Variants in UTRN observed in about 807,000 individuals in gnomAD.
The protein encoded by UTRN is dystrophin-related protein 1.
A neutral mutation model predicts 463.9 loss-of-function variants in UTRN; 283 were observed. The ratio of observed to expected loss-of-function variants is 0.61; its 90% CI spans 0.55 to 0.67. UTRN has a LOEUF of 0.67. UTRN is among the 30% of genes least tolerant of loss of function. UTRN has a pLI of 0.00. For synonymous variants in UTRN, 1,442 were observed against 1,431.5 expected (o/e 1.01, Z -0.17); for missense variants, 3,922 against 4,084.3 (o/e 0.96, Z 1.08).
chr6:144,640,664 A>G (rs1246143984), intron 51 of UTRN, among the ~76,000 whole-genome samples: 1 of 152,126 alleles, frequency 6.6e-6, no homozygotes, highest in East Asian at 1.9e-4. Context: ...TTGCTATATA[A>G]ATGCTTGTTT....
At chr6:144,796,862 C>G (rs1321730135) in intron 63 of UTRN, among the ~76,000 whole-genome samples, 1 of 152,002 alleles carries the variant, frequency 6.6e-6, no homozygotes, top group Non-Finnish European at 1.5e-5. Flanking sequence ...ATATCAAATG[C>G]AAATTCTAAA....
intron 51 of UTRN, among the ~76,000 whole-genome samples, chr6:144,601,602 T>C (rs1172715985): frequency 1.3e-5 from 2 of 152,190 alleles, no homozygotes; most frequent in African/African-American, 4.8e-5. Flanking sequence ...AAGTGGTTTC[T>C]TGAGATGGAA....
intron 52 of UTRN, among the ~76,000 whole-genome samples, chr6:144,684,408 T>C (rs528300123): frequency 6.6e-6 from 1 of 152,306 alleles, no homozygotes; most frequent in South Asian, 2.1e-4. Context: ...CCAATATCCA[T>C]ATTCACAACT....
At chr6:144,840,675 G>T in intron 72 of UTRN, 65 bp from the exon 73 acceptor site, 4 of 1,564,396 alleles carry the variant, frequency 2.6e-6, no homozygotes, top group Non-Finnish European at 1.7e-6. Flanking sequence ...CCTGAATTTG[G>T]GTTTTAGTGG....
intron 2 of UTRN, among the ~76,000 whole-genome samples, chr6:144,401,224 A>G (rs1055741947): frequency 6.6e-6 from 1 of 152,186 alleles, no homozygotes; most frequent in Non-Finnish European, 1.5e-5. Context: ...ATGAAACTGC[A>G]TATAACAAGA....
chr6:144,826,137 T>TA (rs541359838), intron 66 of UTRN, among the ~76,000 whole-genome samples: 1,574 of 149,620 alleles, frequency 0.011, 25 homozygotes, highest in East Asian at 0.057. Context: ...CCCTAAAACT[T>TA]AAAGTATAAT....
rs1356125420 is a variant in UTRN at position 144,432,440 on chromosome 6, C to G, written c.855+2699C>G. 2.0e-5 allele frequency among the ~76,000 whole-genome samples: 3 copies of G among 152,134 alleles called. No individual in the cohort carries two copies. The East Asian group carries it at 5.8e-4, about 29-fold the overall frequency. On this transcript the variant is annotated intron_variant, in intron 9 of 74. Coordinates refer to ENST00000367545, the MANE Select transcript of UTRN (RefSeq NM_007124.3). ...CTGTGTTAAGAATTTTAAATTGTAT[C>G]TTAAGAGCATTGGGAAAGCCAGTGA...
At chr6:144,696,482 T>C (rs1784016461) in intron 52 of UTRN, among the ~76,000 whole-genome samples, 1 of 152,212 alleles carries the variant, frequency 6.6e-6, no homozygotes. Context: ...ATCACGGCTT[T>C]GGTGTTCTTT....
At chr6:144,428,658 A>G (rs1383911765) in intron 7 of UTRN, 120 bp from the exon 8 acceptor site, 2 of 541,268 alleles carry the variant, frequency 3.7e-6, no homozygotes, top group African/African-American at 1.9e-5. Flanking sequence ...ATATAAAAAT[A>G]AACTCAAAAA....
rs746179507 is a variant in UTRN at position 144,577,161 on chromosome 6, A to G, written c.7352A>G (p.Asp2451Gly). 1 of 1,613,858 alleles carries G rather than the reference A, an allele frequency of 6.2e-7. No individual in the cohort carries two copies. The highest frequency in any genetic ancestry group is 1.3e-5 in the African/African-American group (1 of 74,892). ...AGGACGGTGCAGGCCTCTCGCAGAG[A>G]TCTGGAAAACTTCCTGAAGTGGATC... ...EWRTVQASRR[D>G]LENFLKWIQE... Residue 2451 changes from aspartate (D) to glycine (G), a missense_variant, in exon 51 of 75, where the codon GAT becomes GGT. Asp to Gly is a moderately conservative substitution (Grantham distance 94). Transcript: ENST00000367545.
chr6:144,610,365 A>G (rs557373847), intron 51 of UTRN, among the ~76,000 whole-genome samples: 1 of 152,172 alleles, frequency 6.6e-6, no homozygotes, highest in Non-Finnish European at 1.5e-5. Context: ...ATCAAGATTA[A>G]TCATGAAGAA....
chr6:144,474,215 G>A (rs1293593799), intron 24 of UTRN, among the ~76,000 whole-genome samples: 1 of 150,894 alleles, frequency 6.6e-6, no homozygotes, highest in Non-Finnish European at 1.5e-5. Flanking sequence ...TCCTCACCAT[G>A]TGGCACAAGA....
intron 2 of UTRN, among the ~76,000 whole-genome samples, chr6:144,299,939 A>T (rs1406483161): frequency 1.3e-5 from 2 of 152,096 alleles, no homozygotes; most frequent in Non-Finnish European, 2.9e-5. Flanking sequence ...CTTGCTTTTG[A>T]AATAATTTGC....
At chr6:144,502,743 A>G (rs1314572925) in intron 34 of UTRN, among the ~76,000 whole-genome samples, 6 of 152,188 alleles carry the variant, frequency 3.9e-5, no homozygotes, top group South Asian at 2.1e-4. Context: ...TTAGAGTAGA[A>G]TGATTTATAA....
intron 69 of UTRN, among the ~76,000 whole-genome samples, chr6:144,833,122 CTAAT>C (rs888169302): frequency 1.3e-5 from 2 of 152,100 alleles, no homozygotes; most frequent in African/African-American, 4.8e-5. Flanking sequence ...GCCCAGCCAA[CTAAT>C]TGTTTTTTTA....
At chr6:144,733,121 T>G (rs367854222) in intron 54 of UTRN, among the ~76,000 whole-genome samples, 1 of 152,236 alleles carries the variant, frequency 6.6e-6, no homozygotes, top group South Asian at 2.1e-4. Flanking sequence ...TGTGCACATA[T>G]GTTGCACTCT....
chr6:144,531,653 A>C (rs879406468), intron 42 of UTRN, among the ~76,000 whole-genome samples: 3 of 152,180 alleles, frequency 2.0e-5, no homozygotes, highest in Non-Finnish European at 2.9e-5. Flanking sequence ...TGTAAGTCTA[A>C]TTCAGTCTTG....
intron 52 of UTRN, among the ~76,000 whole-genome samples, chr6:144,684,088 C>T (rs147837234): frequency 0.018 from 2,596 of 144,666 alleles, 67 homozygotes; most frequent in African/African-American, 0.063. Flanking sequence ...CTTGCTCTGT[C>T]GCCCAGGCTG....
intron 2 of UTRN, among the ~76,000 whole-genome samples, chr6:144,387,435 G>A (rs185776540): frequency 2.6e-5 from 4 of 152,168 alleles, no homozygotes; most frequent in Non-Finnish European, 5.9e-5. Context: ...CACCATGCCC[G>A]GCCTTCTTCC....
Sources: allele counts gnomAD v4.1 joint callset (sites outside exome capture counted in the v4.1 genomes callset), GRCh38; gene constraint gnomAD v4.1.1; transcripts MANE v1.5; gene names NCBI Gene and HGNC (gene_info 2026-07-23, HGNC 2026-07-21).